Variants in ZFAND3 observed in about 807,000 individuals in gnomAD.
ZFAND3 encodes the protein zinc finger AN1-type containing 3, also known as AN1-type zinc finger protein 3.
ZFAND3 carries 10 observed loss-of-function variants against 29.6 expected under a neutral mutation model. That is an observed-to-expected ratio of 0.34 (90% CI 0.21 to 0.57). ZFAND3 has a LOEUF of 0.57. Ranked by LOEUF, ZFAND3 falls within the 20% of genes least tolerant of loss-of-function variation. The pLI is 0.86. For missense variants in ZFAND3, 230 were observed against 304.5 expected (o/e 0.76, Z 1.82); for synonymous variants, 128 against 112.6 (o/e 1.14, Z -0.87).
Position 38,153,197 on chromosome 6 carries a change from G to A in ZFAND3, c.*808G>A, listed in dbSNP as rs1766271116. 1 of 985,386 alleles carries A rather than the reference G, an allele frequency of 1.0e-6. No individual in the cohort carries two copies. 61.0% of individuals were successfully genotyped at this position (985,386 alleles called of 1,614,324 possible). A position where few individuals can be genotyped will look rare whatever the true frequency, so the allele number is the denominator to read the frequency against. On this transcript the variant is annotated 3_prime_UTR_variant, in exon 6 of 6. Transcript: ENST00000287218. ...AGGGATCTGGCACGGACCAGATGTGGCGAATGGCAGCACAGCGCGGTGGCT... is the reference window on the plus strand; with the variant it reads ...AGGGATCTGGCACGGACCAGATGTGACGAATGGCAGCACAGCGCGGTGGCT...
chr6:37,994,014 C>T (rs1433768869), intron 2 of ZFAND3, among the ~76,000 whole-genome samples: 4 of 151,942 alleles, frequency 2.6e-5, no homozygotes, highest in Middle Eastern at 3.4e-3. Context: ...ATCATAGGAC[C>T]GGTAAAAGAA....
At chr6:37,986,148 AT>A (rs141152086) in intron 2 of ZFAND3, among the ~76,000 whole-genome samples, 138 of 151,068 alleles carry the variant, frequency 9.1e-4, no homozygotes, top group South Asian at 2.3e-3. Flanking sequence ...ACAAAATATA[AT>A]TTTTTTTTTC....
intron 1 of ZFAND3, among the ~76,000 whole-genome samples, chr6:37,925,724 T>A (rs1278153651): frequency 2.0e-5 from 3 of 151,476 alleles, no homozygotes; most frequent in Non-Finnish European, 2.9e-5. Flanking sequence ...AAAAAAGGTT[T>A]CTAGATTTTT....
intron 2 of ZFAND3, among the ~76,000 whole-genome samples, chr6:37,959,815 C>G (rs765797789): frequency 6.6e-6 from 1 of 152,168 alleles, no homozygotes; most frequent in African/African-American, 2.4e-5. Flanking sequence ...CTCAGGCTTA[C>G]AATTTAAACT....
intron 2 of ZFAND3, among the ~76,000 whole-genome samples, chr6:38,056,030 C>T (rs184265136): frequency 9.2e-5 from 14 of 152,278 alleles, no homozygotes; most frequent in Admixed American, 7.8e-4. Flanking sequence ...TATGGGAAAT[C>T]ACAGAGTGCT....
At chr6:38,049,425 A>G (rs1763975598) in intron 2 of ZFAND3, among the ~76,000 whole-genome samples, 1 of 152,222 alleles carries the variant, frequency 6.6e-6, no homozygotes, top group African/African-American at 2.4e-5. Flanking sequence ...AACTAGAGCA[A>G]GAGAAGTTAA....
At chr6:38,071,673 A>C (rs553437142) in intron 3 of ZFAND3, among the ~76,000 whole-genome samples, 1 of 152,118 alleles carries the variant, frequency 6.6e-6, no homozygotes, top group African/African-American at 2.4e-5. Context: ...GGGTCTTCTC[A>C]TAAAGGAATA....
At chr6:38,146,716 A>G (rs1186127670) in intron 5 of ZFAND3, among the ~76,000 whole-genome samples, 1 of 152,182 alleles carries the variant, frequency 6.6e-6, no homozygotes, top group Non-Finnish European at 1.5e-5. Flanking sequence ...CCACTTTGCC[A>G]TGACTCTTCC....
At chr6:38,044,965 C>G (rs1763867523) in intron 2 of ZFAND3, among the ~76,000 whole-genome samples, 1 of 152,056 alleles carries the variant, frequency 6.6e-6, no homozygotes, top group Non-Finnish European at 1.5e-5. Flanking sequence ...TTTTCAACTC[C>G]TCCTGTTTTT....
intron 1 of ZFAND3, among the ~76,000 whole-genome samples, chr6:37,924,097 A>G (rs1761436736): frequency 6.6e-6 from 1 of 152,166 alleles, no homozygotes; most frequent in East Asian, 1.9e-4. Flanking sequence ...CCGTGTCATT[A>G]GAAAGAAACT....
chr6:37,898,693 T>C lies in ZFAND3; in HGVS notation c.72-31266T>C, dbSNP rs560543084. 3.3e-5 allele frequency among the ~76,000 whole-genome samples: 5 copies of C among 152,360 alleles called. No homozygotes were observed. The East Asian group carries it at 9.6e-4, about 29-fold the overall frequency. ...TTTAGATTTATTTCTTGGTATTTGA[T>C]ATCTTTTGATATAAGTACTATGATT... On this transcript the variant is annotated intron_variant, in intron 1 of 5. Coordinates refer to ENST00000287218, the MANE Select transcript of ZFAND3 (RefSeq NM_021943.3).
intron 1 of ZFAND3, among the ~76,000 whole-genome samples, chr6:37,859,138 G>C (rs915023469): frequency 2.6e-5 from 4 of 152,158 alleles, no homozygotes; most frequent in African/African-American, 9.7e-5. Flanking sequence ...TCCACCACTT[G>C]TTAGCTTTGT....
intron 1 of ZFAND3, among the ~76,000 whole-genome samples, chr6:37,847,042 G>A (rs931656406): frequency 7.9e-5 from 12 of 151,964 alleles, no homozygotes; most frequent in Non-Finnish European, 1.5e-4. Flanking sequence ...GGTAGGTTTT[G>A]CATTTGAAGT....
At chr6:37,956,173 AAAT>A (rs1762083673) in intron 2 of ZFAND3, among the ~76,000 whole-genome samples, 1 of 152,068 alleles carries the variant, frequency 6.6e-6, no homozygotes, top group African/African-American at 2.4e-5. Context: ...TTGAAAAACA[AAAT>A]AATAGAGTTG....
intron 1 of ZFAND3, among the ~76,000 whole-genome samples, chr6:37,873,980 C>T (rs1243160862): frequency 6.6e-6 from 1 of 152,144 alleles, no homozygotes; most frequent in Non-Finnish European, 1.5e-5. Flanking sequence ...TTGTATTCAT[C>T]TGCCAGGGCT....
At chr6:37,836,675 T>C (rs556909106) in intron 1 of ZFAND3, among the ~76,000 whole-genome samples, 37 of 152,314 alleles carry the variant, frequency 2.4e-4, no homozygotes, top group African/African-American at 8.7e-4. Context: ...GTACCAGAAA[T>C]GAACATCTTT....
chr6:38,001,518 A>G (rs1762948066), intron 2 of ZFAND3, among the ~76,000 whole-genome samples: 2 of 152,032 alleles, frequency 1.3e-5, no homozygotes, highest in South Asian at 4.2e-4. Context: ...AGCAACATAA[A>G]CTCTATTACA....
intron 2 of ZFAND3, among the ~76,000 whole-genome samples, chr6:38,022,395 T>G (rs1251173352): frequency 1.3e-5 from 2 of 152,262 alleles, no homozygotes; most frequent in Admixed American, 6.5e-5. Context: ...CCATGTTTTT[T>G]GATGCTGTTT....
At chr6:38,050,112 GC>G (rs1159368688) in intron 2 of ZFAND3, among the ~76,000 whole-genome samples, 7 of 151,426 alleles carry the variant, frequency 4.6e-5, no homozygotes, top group African/African-American at 1.7e-4. Context: ...ACGTCACCAC[GC>G]CTGGCTGATT....
Sources: allele counts gnomAD v4.1 joint callset (sites outside exome capture counted in the v4.1 genomes callset), GRCh38; gene constraint gnomAD v4.1.1; transcripts MANE v1.5; gene names NCBI Gene and HGNC (gene_info 2026-07-23, HGNC 2026-07-21).